MYH13: variants seen among roughly 807,000 people sequenced by gnomAD.
MYH13 encodes myosin-13.
In MYH13, 177 loss-of-function variants were observed where a neutral mutation model predicts 232.1. That is an observed-to-expected ratio of 0.76 (90% CI 0.67 to 0.86). The LOEUF (loss-of-function observed/expected upper bound fraction) is 0.86. Among genes scored for constraint, MYH13 ranks in the 40% least tolerant of loss-of-function variants. MYH13 has a pLI of 0.00. For synonymous variants in MYH13, 884 were observed against 923.5 expected (o/e 0.96, Z 0.78); for missense variants, 2,246 against 2,405.9 (o/e 0.93, Z 1.39).
intron 30 of MYH13, 78 bp from the exon 31 acceptor site, chr17:10,312,835 A>G: frequency 1.4e-6 from 2 of 1,462,604 alleles, no homozygotes; most frequent in East Asian, 4.8e-5. Flanking sequence ...GGGAAGAGAA[A>G]TGAATAGCGT....
Position 10,321,842 on chromosome 17 carries a change from A to G in MYH13, c.2935-134T>C, listed in dbSNP as rs1019268369. Reference sequence around the variant, plus strand: ...GGCTACTACTTTTTTACCTCCTAGAATTGACAGACTCTCAGTTCTTTATCT... The same window carrying G: ...GGCTACTACTTTTTTACCTCCTAGAGTTGACAGACTCTCAGTTCTTTATCT... On this transcript the variant is annotated intron_variant, in intron 23 of 40. Transcript: ENST00000252172. The G allele has an allele frequency of 7.1e-6, 5 of 708,992 alleles. No individual in the cohort carries two copies. The African/African-American group carries it at 9.0e-5, about 13-fold the overall frequency. The allele number at this position is 708,992 out of a possible 1,614,324, so 43.9% of individuals were successfully genotyped here.
intron 12 of MYH13, among the ~76,000 whole-genome samples, chr17:10,347,387 CAT>C (rs2071674232): frequency 6.6e-6 from 1 of 152,142 alleles, no homozygotes; most frequent in African/African-American, 2.4e-5. Flanking sequence ...TAATTAATTA[CAT>C]AGTTATGTTG....
At chr17:10,321,485 C>G in intron 24 of MYH13, 47 bp downstream of exon 24, 1 of 1,558,320 alleles carries the variant, frequency 6.4e-7, no homozygotes, top group Non-Finnish European at 8.7e-7. Context: ...CTTGTCTGTG[C>G]TTCCACAAGT....
At chr17:10,334,737 G>T (rs1479514288) in intron 18 of MYH13, among the ~76,000 whole-genome samples, 1 of 152,022 alleles carries the variant, frequency 6.6e-6, no homozygotes, top group East Asian at 1.9e-4. Context: ...AAATTAGCCG[G>T]GCGTGGTGGC....
intron 29 of MYH13, among the ~76,000 whole-genome samples, chr17:10,314,464 A>G (rs1361317361): frequency 6.6e-6 from 1 of 151,170 alleles, no homozygotes; most frequent in Admixed American, 6.6e-5. Flanking sequence ...TAAGAAGGAA[A>G]ACTCAGCTGT....
Position 10,330,538 on chromosome 17 carries a change from A to G in MYH13, c.2299-15T>C. The G allele has an allele frequency of 1.9e-6, 3 of 1,596,720 alleles. No homozygotes were observed. Among genetic ancestry groups the G allele is most frequent in the Non-Finnish European group, 2.6e-6 (3 of 1,172,674 alleles). ...TTGAAAAACACCTGCATTAAAAGAC[A>G]GAGGAGCCTTGATCTTTTTCCCCAG... is the stretch of plus-strand genomic sequence containing the variant. On this transcript the variant is annotated splice_polypyrimidine_tract_variant and intron_variant, in intron 20 of 40. Coordinates refer to ENST00000252172, the MANE Select transcript of MYH13 (RefSeq NM_003802.3).
At position 10,350,606 on chromosome 17, in the gene MYH13, T is replaced by C; in HGVS notation, c.1094A>G (p.Lys365Arg). ...CTCCTCACGCTGCTTCTGCTTGAAC[T>C]TCATGTTCCCATAATGCATCACGGC... The part of the protein sequence containing the change: ...TGAVMHYGNM[K>R]FKQKQREEQA... Residue 365 changes from lysine to arginine, a missense_variant, in exon 12 of 41, where the codon AAG (lysine) becomes AGG (arginine). Physicochemically the swap from Lys to Arg is conservative, Grantham distance 26. Coordinates refer to ENST00000252172, the MANE Select transcript of MYH13 (RefSeq NM_003802.3). 2 of 1,613,786 alleles carry C rather than the reference T, an allele frequency of 1.2e-6. No homozygotes were observed. Among genetic ancestry groups the C allele is most frequent in the Non-Finnish European group, 1.7e-6 (2 of 1,179,968 alleles).
intron 15 of MYH13, 59 bp from the exon 16 acceptor site, chr17:10,344,168 G>C (rs2071642024): frequency 2.6e-6 from 4 of 1,564,118 alleles, no homozygotes; most frequent in Non-Finnish European, 1.7e-6. Flanking sequence ...TCATGGTCTG[G>C]AGAAGCCAAA....
At chr17:10,346,030 A>T (rs2071664309) in intron 13 of MYH13, among the ~76,000 whole-genome samples, 1 of 148,552 alleles carries the variant, frequency 6.7e-6, no homozygotes, top group Admixed American at 6.8e-5. Flanking sequence ...AAAAAAAGAA[A>T]ATCAAAAGCA....
chr17:10,343,572 A>G (rs1198417579), intron 16 of MYH13, among the ~76,000 whole-genome samples: 2 of 152,194 alleles, frequency 1.3e-5, no homozygotes, highest in African/African-American at 4.8e-5. Context: ...CTATTAAACA[A>G]TGTGATGTTG....
rs1264398927 is a variant in MYH13 at position 10,344,093 on chromosome 17, GAGA to G, written c.1598_1600del (p.Phe533del). 1 of 1,614,048 alleles carries G rather than the reference GAGA, an allele frequency of 6.2e-7. No individual in the cohort carries two copies. Among genetic ancestry groups the G allele is most frequent in the East Asian group, 2.2e-5 (1 of 44,876 alleles). On this transcript the variant is annotated inframe_deletion, in exon 16 of 41. Transcript: ENST00000252172. ...GAACATGCACTCCTCTTCCAGGATG[GAGA>G]AGATGCCCATAGGCTGGAAAGAGGA...
intron 5 of MYH13, among the ~76,000 whole-genome samples, chr17:10,361,610 CATCTG>C (rs2071794476): frequency 6.6e-6 from 1 of 152,066 alleles, no homozygotes; most frequent in Admixed American, 6.6e-5. Flanking sequence ...CTACTTCTAG[CATCTG>C]TTCCAAGTCA....
At chr17:10,332,943 G>A (rs1907459388) in intron 19 of MYH13, 131 bp downstream of exon 19, 1 of 761,348 alleles carries the variant, frequency 1.3e-6, no homozygotes, top group Non-Finnish European at 2.2e-6. Flanking sequence ...AGTTCCTCTA[G>A]CAAGAGATGA....
At chr17:10,334,615 C>A (rs550139656) in intron 18 of MYH13, among the ~76,000 whole-genome samples, 70 of 152,146 alleles carry the variant, frequency 4.6e-4, no homozygotes, top group African/African-American at 1.6e-3. Flanking sequence ...TGCAGTGGCT[C>A]ATGCCTGTAA....
Position 10,333,059 on chromosome 17 carries a change from A to G in MYH13, c.2174+15T>C. The G allele has an allele frequency of 6.6e-7, 1 of 1,522,798 alleles. No homozygotes were observed. The highest frequency in any genetic ancestry group is 8.9e-7 in the Non-Finnish European group (1 of 1,120,488). 94.3% of individuals were successfully genotyped at this position (1,522,798 alleles called of 1,614,324 possible). A position where few individuals can be genotyped will look rare whatever the true frequency, so the allele number is the denominator to read the frequency against. On this transcript the variant is annotated intron_variant, in intron 19 of 40. Coordinates refer to ENST00000252172, the MANE Select transcript of MYH13 (RefSeq NM_003802.3). The stretch of plus-strand genomic sequence containing the variant: ...CCTCGGAAGGAGAGAGATGCACAGG[A>G]GAGAGGGAACCTACCGCTGCTTGAA...
chr17:10,330,386 C>T lies in MYH13; in HGVS notation c.2435+1G>A. ...AAGGTGGAGGTGAGGGTCTGTGTCA[C>T]CTCCTCTCCATCATCTTCTTGAACT... On this transcript the variant is annotated splice_donor_variant, in intron 21 of 40. Transcript: ENST00000252172. LOFTEE classifies it high-confidence loss of function. 1 of 1,613,408 alleles carries T rather than the reference C, an allele frequency of 6.2e-7. No homozygotes were observed. Among genetic ancestry groups the T allele is most frequent in the Admixed American group, 1.7e-5 (1 of 59,960 alleles).
At chr17:10,328,262 G>T in intron 21 of MYH13, 141 bp from the exon 22 acceptor site, 1 of 923,322 alleles carries the variant, frequency 1.1e-6, no homozygotes, top group Non-Finnish European at 1.6e-6. Flanking sequence ...AGATCCTCTG[G>T]ATCCAGAGTA....
In MYH13 at chr17:10,301,557, A is replaced by G. The variant is rs780777356; in HGVS notation, c.5802+12T>C. 1.2e-6 allele frequency: 2 copies of G among 1,614,002 alleles called. No homozygotes were observed. Among genetic ancestry groups the G allele is most frequent in the Non-Finnish European group, 1.7e-6 (2 of 1,179,966 alleles). ...CTTAGCTGGCCCCTATATCTCAGGTACCTGCTCTTACCTGGCTGCCCACGT... is the reference window on the plus strand; with the variant it reads ...CTTAGCTGGCCCCTATATCTCAGGTGCCTGCTCTTACCTGGCTGCCCACGT... On this transcript the variant is annotated intron_variant, in intron 40 of 40. Coordinates refer to ENST00000252172, the MANE Select transcript of MYH13 (RefSeq NM_003802.3).
chr17:10,309,874 C>T (rs1411949362), intron 33 of MYH13, 44 bp from the exon 34 acceptor site: 2 of 1,476,030 alleles, frequency 1.4e-6, no homozygotes, highest in East Asian at 4.9e-5. Flanking sequence ...TGGACATCCA[C>T]CTTCATGAAT....
Sources: allele counts gnomAD v4.1 joint callset (sites outside exome capture counted in the v4.1 genomes callset), GRCh38; gene constraint gnomAD v4.1.1; transcripts MANE v1.5; gene names NCBI Gene and HGNC (gene_info 2026-07-23, HGNC 2026-07-21).